The following HEMK2 variants were observed in gnomAD, a reference collection of about 807,000 sequenced individuals.
The protein encoded by HEMK2 is HemK methyltransferase 2, ETF1 glutamine and histone H4 lysine.
chr21:28,678,331 A>G, the HEMK2 span, among the ~76,000 whole-genome samples: 1 of 152,218 alleles, frequency 6.6e-6, no homozygotes, highest in African/African-American at 2.4e-5. Flanking sequence ...AAACGAGAAG[A>G]GAAGTTTAGA....
At chr21:28,855,819 A>G in the HEMK2 span, among the ~76,000 whole-genome samples, 2 of 152,224 alleles carry the variant, frequency 1.3e-5, no homozygotes, top group African/African-American at 4.8e-5. Flanking sequence ...GAAACTAATG[A>G]GAACAAACAT....
chr21:28,648,872 TG>T, the HEMK2 span, among the ~76,000 whole-genome samples: 1 of 152,112 alleles, frequency 6.6e-6, no homozygotes, highest in Non-Finnish European at 1.5e-5. Context: ...GCCATGTTGG[TG>T]TGCTGCACCC....
chr21:28,722,505 T>C, the HEMK2 span, among the ~76,000 whole-genome samples: 2 of 152,352 alleles, frequency 1.3e-5, no homozygotes, highest in South Asian at 2.1e-4. Flanking sequence ...GAGAGAGTTG[T>C]TTCCATTTAA....
At chr21:28,821,674 CAAG>C in the HEMK2 span, among the ~76,000 whole-genome samples, 2 of 152,110 alleles carry the variant, frequency 1.3e-5, no homozygotes, top group African/African-American at 4.8e-5. Flanking sequence ...TCACAAAACC[CAAG>C]AATACTCTTC....
the HEMK2 span, among the ~76,000 whole-genome samples, chr21:28,663,641 A>T: frequency 6.6e-6 from 1 of 152,126 alleles, no homozygotes; most frequent in Non-Finnish European, 1.5e-5. Flanking sequence ...GTTACTTGGG[A>T]TGGGTTTCTT....
At chr21:28,676,754 TC>T in the HEMK2 span, among the ~76,000 whole-genome samples, 1 of 152,006 alleles carries the variant, frequency 6.6e-6, no homozygotes, top group Admixed American at 6.6e-5. Context: ...TTCCCCTTTT[TC>T]CCCCTTTTGC....
chr21:28,859,987 A>T, the HEMK2 span, among the ~76,000 whole-genome samples: 22 of 152,222 alleles, frequency 1.4e-4, no homozygotes, highest in Admixed American at 1.4e-3. Flanking sequence ...GGACCTTATT[A>T]TTGTCTTTAT....
At chr21:28,717,092 G>A in the HEMK2 span, among the ~76,000 whole-genome samples, 1 of 152,058 alleles carries the variant, frequency 6.6e-6, no homozygotes, top group Non-Finnish European at 1.5e-5. Context: ...TTTTCATTGT[G>A]TCTTTGCCAG....
chr21:28,882,041 T>C, the HEMK2 span: 3 of 618,066 alleles, frequency 4.9e-6, no homozygotes, highest in Non-Finnish European at 2.6e-6. Context: ...AAGAATTTAC[T>C]TTGTACATGG....
At chr21:28,742,129 G>C in the HEMK2 span, among the ~76,000 whole-genome samples, 1 of 152,254 alleles carries the variant, frequency 6.6e-6, no homozygotes, top group East Asian at 1.9e-4. Context: ...ATTGTCTATG[G>C]CTGCTTTCAG....
chr21:28,706,624 A>G, the HEMK2 span, among the ~76,000 whole-genome samples: 5 of 152,190 alleles, frequency 3.3e-5, no homozygotes, highest in African/African-American at 1.2e-4. Context: ...CTTTTTAAAA[A>G]TTAAATGACT....
the HEMK2 span, among the ~76,000 whole-genome samples, chr21:28,654,874 TG>T: frequency 6.6e-6 from 1 of 152,118 alleles, no homozygotes; most frequent in East Asian, 1.9e-4. Flanking sequence ...TACAAAATGC[TG>T]GATATAAAAT....
At chr21:28,616,777 A>G in the HEMK2 span, among the ~76,000 whole-genome samples, 1 of 152,264 alleles carries the variant, frequency 6.6e-6, no homozygotes, top group African/African-American at 2.4e-5. Flanking sequence ...CTAGTTTCTC[A>G]TTTGTGGATG....
the HEMK2 span, among the ~76,000 whole-genome samples, chr21:28,862,079 C>A: frequency 6.6e-6 from 1 of 152,118 alleles, no homozygotes; most frequent in Non-Finnish European, 1.5e-5. Context: ...GGTTACTGAC[C>A]TGGACTTTCA....
At chr21:28,775,956 T>C in the HEMK2 span, among the ~76,000 whole-genome samples, 1 of 150,802 alleles carries the variant, frequency 6.6e-6, no homozygotes, top group African/African-American at 2.5e-5. Flanking sequence ...GTGGTGGAAA[T>C]TGGAGAGGTG....
the HEMK2 span, among the ~76,000 whole-genome samples, chr21:28,833,409 G>A: frequency 3.3e-5 from 5 of 152,152 alleles, no homozygotes; most frequent in Non-Finnish European, 7.3e-5. Flanking sequence ...TTTTACAGCA[G>A]AGACATAAAC....
the HEMK2 span, among the ~76,000 whole-genome samples, chr21:28,695,123 G>A: frequency 6.6e-6 from 1 of 151,964 alleles, no homozygotes; most frequent in African/African-American, 2.4e-5. Context: ...CCAAAATACT[G>A]CCTGATGCAG....
At chr21:28,637,980 C>A in the HEMK2 span, among the ~76,000 whole-genome samples, 2 of 152,102 alleles carry the variant, frequency 1.3e-5, no homozygotes, top group Non-Finnish European at 2.9e-5. Flanking sequence ...GTTATTTGAT[C>A]TTTAGAAGGT....
chr21:28,734,771 G>A, the HEMK2 span, among the ~76,000 whole-genome samples: 31 of 152,154 alleles, frequency 2.0e-4, no homozygotes, highest in African/African-American at 5.6e-4. Flanking sequence ...CAGTGTGCAC[G>A]CTCAGCATTA....
Sources: gnomAD v4.1 joint callset for allele counts (sites outside exome capture counted in the v4.1 genomes callset) on GRCh38, gnomAD v4.1.1 for gene constraint, MANE v1.5 for transcripts, NCBI Gene and HGNC (gene_info 2026-07-23, HGNC 2026-07-21) for gene names.